The following LAMB3 variants were observed in gnomAD, a reference collection of about 807,000 sequenced individuals.
The protein encoded by LAMB3 is laminin subunit beta 3, also known as laminin subunit beta-3.
A neutral mutation model predicts 140.3 loss-of-function variants in LAMB3; 104 were observed. The ratio of observed to expected loss-of-function variants is 0.74; its 90% CI spans 0.63 to 0.87. The LOEUF is 0.87. LAMB3 is among the 40% of genes least tolerant of loss of function. LAMB3 has a pLI of 0.00. For missense variants in LAMB3, 1,531 were observed against 1,575.2 expected (o/e 0.97, Z 0.47); for synonymous variants, 592 against 602.9 (o/e 0.98, Z 0.26).
At chr1:209,627,756 C>T (rs1174331120) in intron 11 of LAMB3, among the ~76,000 whole-genome samples, 177 bp from the exon 12 acceptor site, 3 of 152,238 alleles carry the variant, frequency 2.0e-5, no homozygotes, top group Non-Finnish European at 4.4e-5. Flanking sequence ...AGCCACCTGG[C>T]AGCTCAGCCG....
chr1:209,631,095 G>T (rs561038874), intron 8 of LAMB3, among the ~76,000 whole-genome samples: 4 of 152,270 alleles, frequency 2.6e-5, no homozygotes, highest in Non-Finnish European at 5.9e-5. Flanking sequence ...AAGCTGGTGG[G>T]GCCCTCTGGA....
At chr1:209,648,658 A>T (rs761419242) in intron 3 of LAMB3, among the ~76,000 whole-genome samples, 22 of 151,964 alleles carry the variant, frequency 1.4e-4, no homozygotes, top group Non-Finnish European at 2.5e-4. Flanking sequence ...AGGAGGAGAA[A>T]CTTTTCAGAC....
At position 209,629,766 on chromosome 1, in the gene LAMB3, G is replaced by A. The variant is rs549692468; in HGVS notation, c.1103C>T (p.Pro368Leu). ...CQLHYFRNRRPGASIQETCIS... is the reference protein window; with the variant it reads ...CQLHYFRNRRLGASIQETCIS... Reference sequence around the variant, plus strand: ...GCAGGTCTCCTGAATGGAAGCTCCCGGGCGCCGGTTCCGGAAATAGTGCAG... The same window carrying A: ...GCAGGTCTCCTGAATGGAAGCTCCCAGGCGCCGGTTCCGGAAATAGTGCAG... Residue 368 changes from proline (P) to leucine (L), a missense_variant, in exon 10 of 23, where the codon CCG becomes CTG. Transcript: ENST00000356082. 66 of 1,613,990 alleles carry A rather than the reference G, an allele frequency of 4.1e-5. No individual in the cohort carries two copies. Among genetic ancestry groups the A allele is most frequent in the South Asian group, 8.8e-5 (8 of 91,078 alleles).
chr1:209,627,666 TGGGAAAAGAACTGGGCAGG>T, intron 11 of LAMB3, 87 bp from the exon 12 acceptor site: 2 of 1,278,740 alleles, frequency 1.6e-6, no homozygotes, highest in Non-Finnish European at 2.2e-6. Context: ...GGGCGCTGCC[TGGGAAAAGAACTGGGCAGG>T]GCCCTTCCCT....
At chr1:209,626,841 G>A (rs757506738) in intron 13 of LAMB3, 26 bp downstream of exon 13, 4 of 1,579,838 alleles carry the variant, frequency 2.5e-6, no homozygotes, top group Admixed American at 3.3e-5. Flanking sequence ...CAGAGCCTCA[G>A]CGTCCCCCAG....
At chr1:209,624,980 G>A (rs1313230329) in intron 14 of LAMB3, among the ~76,000 whole-genome samples, 1 of 142,776 alleles carries the variant, frequency 7.0e-6, no homozygotes, top group African/African-American at 2.5e-5. Flanking sequence ...AGGAAAAGAA[G>A]GAAGGAAGGA....
At chr1:209,627,974 G>GT in intron 11 of LAMB3, 61 bp downstream of exon 11, 34 of 1,539,428 alleles carry the variant, frequency 2.2e-5, no homozygotes, top group Non-Finnish European at 3.0e-5. Flanking sequence ...AGGGCAAGCC[G>GT]TGGGTCTGGT....
chr1:209,617,721 C>T (rs1019129599), intron 20 of LAMB3, 135 bp from the exon 21 acceptor site: 8 of 1,243,660 alleles, frequency 6.4e-6, no homozygotes, highest in Admixed American at 1.9e-5. Context: ...CACCTCTCAC[C>T]CCTCCTTCTG....
intron 22 of LAMB3, among the ~76,000 whole-genome samples, 167 bp from the exon 23 acceptor site, chr1:209,615,574 C>T (rs972070446): frequency 6.6e-6 from 1 of 152,214 alleles, no homozygotes; most frequent in Non-Finnish European, 1.5e-5. Flanking sequence ...TCATGCCTCT[C>T]CAGCCCCATC....
At chr1:209,632,459 C>A in intron 8 of LAMB3, 124 bp downstream of exon 8, 1 of 717,688 alleles carries the variant, frequency 1.4e-6, no homozygotes, top group South Asian at 1.9e-5. Context: ...GTTGTTGCTG[C>A]TGAAGTATTA....
intron 12 of LAMB3, 122 bp from the exon 13 acceptor site, chr1:209,627,100 G>A: frequency 1.3e-6 from 1 of 795,652 alleles, no homozygotes; most frequent in Non-Finnish European, 2.2e-6. Flanking sequence ...GCCACCTCCA[G>A]AGCTGCTGTG....
rs762507601 is a variant in LAMB3, at chr1:209,618,674, G to A, written c.2702-15C>T. ...AGTGTCGGGGTCTGGAAGACAACAC[G>A]CATTTGACTGTAGGAGCCCACTAAC... On this transcript the variant is annotated splice_polypyrimidine_tract_variant and intron_variant, in intron 18 of 22. Transcript: ENST00000356082. 4.4e-5 allele frequency: 68 copies of A among 1,529,576 alleles called. No individual in the cohort carries two copies. Among genetic ancestry groups the A allele is most frequent in the African/African-American group, 1.6e-4 (11 of 70,946 alleles). 94.8% of individuals were successfully genotyped at this position (1,529,576 alleles called of 1,614,324 possible).
At chr1:209,646,591 G>A (rs1330592851) in intron 3 of LAMB3, among the ~76,000 whole-genome samples, 1 of 152,200 alleles carries the variant, frequency 6.6e-6, no homozygotes, top group Admixed American at 6.5e-5. Flanking sequence ...GATCACCTTG[G>A]GAGGCACAGA....
intron 3 of LAMB3, among the ~76,000 whole-genome samples, chr1:209,641,369 A>C (rs1357450890): frequency 6.6e-6 from 1 of 152,140 alleles, no homozygotes; most frequent in Non-Finnish European, 1.5e-5. Context: ...ATCTCACAAT[A>C]ACCCTACATG....
chr1:209,617,527 A>T lies in LAMB3; in HGVS notation c.3111T>A (p.Gly1037=). Residue 1037 remains glycine, a synonymous_variant, in exon 21 of 23, where the codon GGT becomes GGA. Transcript: ENST00000356082. ...GCTCCTCCATCCGTGTCCAGAAGTCACCCAGCTGCTTGGTCATGCTTGTCA... is the reference window on the plus strand; with the variant it reads ...GCTCCTCCATCCGTGTCCAGAAGTCTCCCAGCTGCTTGGTCATGCTTGTCA... The part of the protein sequence containing the change: ...KLVTSMTKQL[G]DFWTRMEELR... 6.2e-7 allele frequency: 1 copy of T among 1,613,968 alleles called. No homozygotes were observed. Among genetic ancestry groups the T allele is most frequent in the Non-Finnish European group, 8.5e-7 (1 of 1,180,016 alleles).
rs976899027 is a variant in LAMB3 at position 209,616,585 on chromosome 1, C to T, written c.3268G>A (p.Asp1090Asn). ...AGCATGGAACTCTGACCCAACCGGT[C>T]CTTCAACTCAGCATACTTTTGTTTT... ...RIKQKYAELK[D>N]RLGQSSMLGE... The change falls in exon 22 of 23, where the codon GAC (aspartate) becomes AAC (asparagine). Residue 1090 changes from aspartate (D) to asparagine (N), a missense_variant. Coordinates refer to ENST00000356082, the MANE Select transcript of LAMB3 (RefSeq NM_000228.3). 6.2e-7 allele frequency: 1 copy of T among 1,614,058 alleles called. No homozygotes were observed. The highest frequency in any genetic ancestry group is 1.3e-5 in the African/African-American group (1 of 74,912).
intron 3 of LAMB3, among the ~76,000 whole-genome samples, chr1:209,643,561 G>A (rs1426690702): frequency 1.3e-5 from 2 of 152,208 alleles, no homozygotes; most frequent in Admixed American, 6.5e-5. Context: ...AGCCAGGGGA[G>A]GGCAAAGGAG....
chr1:209,638,666 A>G lies in LAMB3; in HGVS notation c.184-18T>C. 2 of 1,535,864 alleles carry G rather than the reference A, an allele frequency of 1.3e-6. No individual in the cohort carries two copies. Among genetic ancestry groups the G allele is most frequent in the African/African-American group, 1.4e-5 (1 of 73,590 alleles). The stretch of plus-strand genomic sequence containing the variant: ...ATCTGCCACTGTGGGAGAGGGAGAT[A>G]GCAGACACTCAGAGGTGGGGTCCTG... On this transcript the variant is annotated intron_variant, in intron 3 of 22. Transcript: ENST00000356082.
intron 6 of LAMB3, 44 bp from the exon 7 acceptor site, chr1:209,633,177 A>T: frequency 7.1e-7 from 1 of 1,404,662 alleles, no homozygotes; most frequent in Non-Finnish European, 1.0e-6. Context: ...AGAGACAAAT[A>T]GTGTGCCCCG....
Sources: allele counts gnomAD v4.1 joint callset (sites outside exome capture counted in the v4.1 genomes callset), GRCh38; gene constraint gnomAD v4.1.1; transcripts MANE v1.5; gene names NCBI Gene and HGNC (gene_info 2026-07-23, HGNC 2026-07-21).